The following ARID1B variants were observed in gnomAD, a reference collection of about 807,000 sequenced individuals.
ARID1B encodes the protein AT-rich interactive domain-containing protein 1B.
ARID1B carries 30 observed loss-of-function variants against 212.3 expected under a neutral mutation model. The ratio of observed to expected loss-of-function variants is 0.14; its 90% confidence interval spans 0.11 to 0.19. ARID1B has a LOEUF of 0.19. Among genes scored for constraint, ARID1B ranks in the 10% least tolerant of loss-of-function variants. The pLI is 1.00. For synonymous variants in ARID1B, 1,402 were observed against 1,301.7 expected, an observed-to-expected ratio of 1.08 and a Z score of -1.66; for missense variants, 2,891 against 3,204.0, an observed-to-expected ratio of 0.90 and a Z score of 2.36.
chr6:156,957,827 A>G (rs902610701), intron 4 of ARID1B, among the ~76,000 whole-genome samples: 1 of 152,016 alleles, frequency 6.6e-6, no homozygotes, highest in Admixed American at 6.6e-5. Context: ...GGTTCTGCTG[A>G]TGGAGATAAT....
At chr6:156,818,611 A>G (rs1393831240) in intron 1 of ARID1B, among the ~76,000 whole-genome samples, 2 of 152,188 alleles carry the variant, frequency 1.3e-5, no homozygotes, top group Non-Finnish European at 2.9e-5. Context: ...GAGCACTTCA[A>G]TAATTTACTT....
At chr6:157,022,009 A>T (rs909521082) in intron 4 of ARID1B, among the ~76,000 whole-genome samples, 1 of 152,244 alleles carries the variant, frequency 6.6e-6, no homozygotes, top group East Asian at 1.9e-4. Context: ...CCACCACCCA[A>T]ACTTAAAGGC....
At chr6:157,174,335 G>A (rs1479016215) in intron 10 of ARID1B, 3 of 473,908 alleles carry the variant, frequency 6.3e-6, no homozygotes, top group South Asian at 3.0e-5. Context: ...ACTCACGGTT[G>A]GGGGAGAGGG....
chr6:157,026,515 C>G (rs756879895), intron 4 of ARID1B, among the ~76,000 whole-genome samples: 3 of 152,114 alleles, frequency 2.0e-5, no homozygotes, highest in Admixed American at 6.5e-5. Flanking sequence ...AGTGGCGGCG[C>G]CTGCCTTCTT....
chr6:157,038,638 G>A (rs1562567944), intron 4 of ARID1B, among the ~76,000 whole-genome samples: 1 of 151,998 alleles, frequency 6.6e-6, no homozygotes, highest in Non-Finnish European at 1.5e-5. Context: ...ACCTAATTCA[G>A]TATTATTTAC....
In ARID1B at chr6:156,813,932, C is replaced by T. The variant is rs183535825; in HGVS notation, c.1792-15295C>T. Among the ~76,000 whole-genome samples, 142 of 152,274 alleles carry T rather than the reference C, an allele frequency of 9.3e-4. 1 individual carries two copies. Among genetic ancestry groups the T allele is most frequent in the African/African-American group, 3.2e-3 (132 of 41,556 alleles). On this transcript the variant is annotated intron_variant, in intron 1 of 19. Coordinates refer to ENST00000636930, the MANE Select transcript of ARID1B (RefSeq NM_001374828.1). ...CCAGACCCCATCTCAAGGATGTGTGCGCTGGTCAGACCCTGCCTTCATGCT... is the reference window on the plus strand; with the variant it reads ...CCAGACCCCATCTCAAGGATGTGTGTGCTGGTCAGACCCTGCCTTCATGCT...
intron 4 of ARID1B, among the ~76,000 whole-genome samples, chr6:157,033,784 C>T (rs1562564786): frequency 2.0e-5 from 3 of 152,184 alleles, no homozygotes; most frequent in Non-Finnish European, 2.9e-5. Flanking sequence ...CTTTTAGGCA[C>T]TTGTGTTATA....
chr6:156,834,244 C>G (rs1783344210), intron 2 of ARID1B, among the ~76,000 whole-genome samples: 1 of 152,088 alleles, frequency 6.6e-6, no homozygotes, highest in Non-Finnish European at 1.5e-5. Context: ...ATCCAATAGT[C>G]AGGGCTTAAT....
At chr6:157,028,726 T>C (rs1780823187) in intron 4 of ARID1B, among the ~76,000 whole-genome samples, 1 of 152,168 alleles carries the variant, frequency 6.6e-6, no homozygotes, top group South Asian at 2.1e-4. Context: ...TATTCCACTG[T>C]CTCAAGAAAA....
At chr6:156,793,197 G>T (rs1189023678) in intron 1 of ARID1B, among the ~76,000 whole-genome samples, 1 of 152,172 alleles carries the variant, frequency 6.6e-6, no homozygotes, top group Non-Finnish European at 1.5e-5. Context: ...GATTGGAGAA[G>T]AAGCAAGGCA....
intron 4 of ARID1B, among the ~76,000 whole-genome samples, chr6:157,034,507 A>G (rs1281824972): frequency 3.9e-5 from 6 of 152,226 alleles, no homozygotes; most frequent in African/African-American, 9.6e-5. Context: ...GTTTTGTCTT[A>G]TGAAATATAG....
chr6:156,988,723 G>A (rs1227531051), intron 4 of ARID1B, among the ~76,000 whole-genome samples: 2 of 152,154 alleles, frequency 1.3e-5, no homozygotes, highest in African/African-American at 2.4e-5. Flanking sequence ...GGGGAAGTGC[G>A]CTTCAATCAC....
intron 4 of ARID1B, among the ~76,000 whole-genome samples, chr6:156,945,233 CTTTTTTTTTTTTTTT>C (rs1164805779): frequency 7.7e-3 from 250 of 32,628 alleles, no homozygotes; most frequent in Non-Finnish European, 0.012. Context: ...CCGCATCCGG[CTTTTTTTTTTTTTTT>C]TTTTTTTTTT....
intron 8 of ARID1B, chr6:157,150,460 T>G (rs1334799500): frequency 2.6e-5 from 4 of 153,056 alleles, no homozygotes; most frequent in African/African-American, 9.6e-5. Flanking sequence ...TCTTCTTGTT[T>G]GCTTTTACCA....
intron 1 of ARID1B, among the ~76,000 whole-genome samples, chr6:156,807,440 T>G (rs1380675820): frequency 6.8e-6 from 1 of 147,356 alleles, no homozygotes; most frequent in Non-Finnish European, 1.5e-5. Context: ...TTTGAGGTTT[T>G]TTCTTAAGGT....
intron 2 of ARID1B, among the ~76,000 whole-genome samples, chr6:156,855,294 C>T (rs1010222758): frequency 6.6e-6 from 1 of 152,180 alleles, no homozygotes; most frequent in East Asian, 1.9e-4. Context: ...TTTTGATTTT[C>T]GAAAGTTTGG....
intron 3 of ARID1B, among the ~76,000 whole-genome samples, chr6:156,932,988 A>G (rs1791873619): frequency 6.6e-6 from 1 of 152,222 alleles, no homozygotes; most frequent in South Asian, 2.1e-4. Flanking sequence ...TTGAACTTTT[A>G]AAGCCTTAAA....
chr6:157,119,158 T>TC (rs749296753), intron 6 of ARID1B, among the ~76,000 whole-genome samples: 52 of 152,234 alleles, frequency 3.4e-4, no homozygotes, highest in Admixed American at 6.5e-4. Flanking sequence ...CACCAACTCT[T>TC]CCCCAGTAGA....
At chr6:156,901,278 C>A in intron 2 of ARID1B, 98 bp from the exon 3 acceptor site, 1 of 1,375,498 alleles carries the variant, frequency 7.3e-7, no homozygotes, top group Non-Finnish European at 1.0e-6. Context: ...AGTTGCTTAG[C>A]AGAGAACCCC....
Sources: gnomAD v4.1 joint callset for allele counts (sites outside exome capture counted in the v4.1 genomes callset) on GRCh38, gnomAD v4.1.1 for gene constraint, MANE v1.5 for transcripts, NCBI Gene and HGNC (gene_info 2026-07-23, HGNC 2026-07-21) for gene names.